The following PAK1 variants were observed in gnomAD, a reference collection of about 807,000 sequenced individuals.
The protein encoded by PAK1 is serine/threonine-protein kinase PAK 1.
Under a neutral mutation model 67.4 loss-of-function variants are expected in PAK1, and 29 were observed. The ratio of observed to expected loss-of-function variants is 0.43; its 90% CI spans 0.32 to 0.59. PAK1 has a LOEUF of 0.59. Among genes scored for constraint, PAK1 ranks in the 20% least tolerant of loss-of-function variants. The probability of loss-of-function intolerance (pLI) is 0.07; values close to 1 mark genes in which losing one functional copy is unlikely to be tolerated. For synonymous variants in PAK1, 223 were observed against 237.4 expected, an observed-to-expected ratio of 0.94 and a Z score of 0.56; for missense variants, 337 against 670.7, an observed-to-expected ratio of 0.50 and a Z score of 5.50.
chr11:77,521,538 A>G, the PAK1 span, among the ~76,000 whole-genome samples: 2 of 152,176 alleles, frequency 1.3e-5, no homozygotes, highest in South Asian at 4.1e-4. Context: ...TCAAAAAAAA[A>G]AAAATGTGTC....
intron 6 of PAK1, among the ~76,000 whole-genome samples, chr11:77,358,094 C>T (rs1247844749): frequency 3.3e-5 from 5 of 152,160 alleles, no homozygotes; most frequent in African/African-American, 4.8e-5. Context: ...CTCCAATAGT[C>T]ATTCAACCAA....
At chr11:77,450,806 C>CA (rs569117096) in intron 1 of PAK1, among the ~76,000 whole-genome samples, 89 of 152,328 alleles carry the variant, frequency 5.8e-4, no homozygotes, top group South Asian at 1.0e-3. Flanking sequence ...CAACTGCCTG[C>CA]AGAAGTGACC....
chr11:77,330,288 A>C (rs1306103028), intron 14 of PAK1, among the ~76,000 whole-genome samples: 6 of 152,132 alleles, frequency 3.9e-5, no homozygotes, highest in Non-Finnish European at 7.3e-5. Context: ...AAACTACTTT[A>C]AAGTTCATAT....
At chr11:77,385,940 TA>T (rs1188801534) in intron 2 of PAK1, among the ~76,000 whole-genome samples, 2 of 152,174 alleles carry the variant, frequency 1.3e-5, no homozygotes, top group Non-Finnish European at 2.9e-5. Flanking sequence ...GTCATTAATA[TA>T]AAAAACTGTT....
intron 11 of PAK1, 50 bp downstream of exon 11, chr11:77,340,594 CAG>C: frequency 2.2e-6 from 2 of 895,508 alleles, no homozygotes; most frequent in Non-Finnish European, 3.8e-6. Flanking sequence ...CTTCAGGAGA[CAG>C]GAATATGGAG....
At chr11:77,442,603 G>A (rs956141480) in intron 1 of PAK1, among the ~76,000 whole-genome samples, 8 of 152,154 alleles carry the variant, frequency 5.3e-5, no homozygotes. Flanking sequence ...CAGTTTGGCT[G>A]TAACCCCATT....
upstream of PAK1, among the ~76,000 whole-genome samples, chr11:77,479,181 G>T (rs1341141760): frequency 6.6e-6 from 1 of 151,928 alleles, no homozygotes; most frequent in Non-Finnish European, 1.5e-5. Context: ...TCTCTTTCTG[G>T]CCTTTAAGAA....
chr11:77,413,122 T>G (rs1565685156), intron 1 of PAK1, among the ~76,000 whole-genome samples: 1 of 152,198 alleles, frequency 6.6e-6, no homozygotes, highest in East Asian at 1.9e-4. Context: ...GGTGTCTCTT[T>G]CGGGTCATAA....
the PAK1 span, among the ~76,000 whole-genome samples, chr11:77,499,108 T>C: frequency 0.012 from 1,858 of 149,590 alleles, 33 homozygotes; most frequent in African/African-American, 0.044. Flanking sequence ...TAACTTTTCA[T>C]ATTAATGAGT....
intron 1 of PAK1, among the ~76,000 whole-genome samples, chr11:77,402,617 G>C (rs1379569600): frequency 2.0e-5 from 3 of 152,082 alleles, no homozygotes; most frequent in African/African-American, 7.2e-5. Context: ...TCGGAGAGCT[G>C]GAAGGAACCA....
chr11:77,482,505 T>G, the PAK1 span, among the ~76,000 whole-genome samples: 1 of 152,216 alleles, frequency 6.6e-6, no homozygotes, highest in African/African-American at 2.4e-5. Context: ...TTCAATATAC[T>G]TTAACACTCA....
the PAK1 span, among the ~76,000 whole-genome samples, chr11:77,484,887 C>G: frequency 1.3e-5 from 2 of 152,168 alleles, no homozygotes; most frequent in Non-Finnish European, 2.9e-5. Flanking sequence ...TTCCACATGG[C>G]TAGGGAGGCC....
chr11:77,340,616 TA>T (rs1943458147), intron 11 of PAK1, 29 bp downstream of exon 11: 3 of 1,087,504 alleles, frequency 2.8e-6, no homozygotes, highest in Non-Finnish European at 4.3e-6. Context: ...GGCAGCTTTC[TA>T]CCCAAGACTG....
At chr11:77,436,901 T>A (rs1426799265) in intron 1 of PAK1, among the ~76,000 whole-genome samples, 1 of 152,182 alleles carries the variant, frequency 6.6e-6, no homozygotes, top group Non-Finnish European at 1.5e-5. Context: ...ACAAATAAAC[T>A]AAAATGCGCG....
intron 1 of PAK1, among the ~76,000 whole-genome samples, chr11:77,460,368 C>T (rs1218298856): frequency 2.1e-5 from 3 of 143,836 alleles, no homozygotes; most frequent in Non-Finnish European, 4.5e-5. Context: ...CCATGAACAT[C>T]ATTAATGGCC....
At chr11:77,384,953 A>G (rs1950273063) in intron 2 of PAK1, among the ~76,000 whole-genome samples, 1 of 152,204 alleles carries the variant, frequency 6.6e-6, no homozygotes, top group South Asian at 2.1e-4. Context: ...AAGAAAATAA[A>G]GAAGAAAATA....
chr11:77,513,069 G>A, the PAK1 span, among the ~76,000 whole-genome samples: 2 of 151,716 alleles, frequency 1.3e-5, no homozygotes, highest in African/African-American at 4.8e-5. Flanking sequence ...CAGCCTGGGC[G>A]ATGGACTGAG....
At chr11:77,464,748 G>C (rs892425015) in intron 1 of PAK1, among the ~76,000 whole-genome samples, 2 of 152,110 alleles carry the variant, frequency 1.3e-5, no homozygotes, top group Non-Finnish European at 2.9e-5. Flanking sequence ...AACATACTCA[G>C]AACACTTACG....
At chr11:77,440,766 G>A (rs929993727) in intron 1 of PAK1, among the ~76,000 whole-genome samples, 1 of 152,148 alleles carries the variant, frequency 6.6e-6, no homozygotes, top group African/African-American at 2.4e-5. Flanking sequence ...ATAACAATAT[G>A]CATTGAAGCC....
Sources: allele counts gnomAD v4.1 joint callset (sites outside exome capture counted in the v4.1 genomes callset), GRCh38; gene constraint gnomAD v4.1.1; transcripts MANE v1.5; gene names NCBI Gene and HGNC (gene_info 2026-07-23, HGNC 2026-07-21).